GORASP2: variants seen among roughly 807,000 people sequenced by gnomAD.
GORASP2 encodes Golgi reassembly-stacking protein 2.
GORASP2 carries 22 observed loss-of-function variants against 45.7 expected under a neutral mutation model. The observed-to-expected ratio is 0.48, with a 90% CI of 0.34 to 0.69. The LOEUF (loss-of-function observed/expected upper bound fraction) is 0.69, where lower values mean the gene tolerates loss of function less well. Ranked by LOEUF, GORASP2 falls within the 30% of genes least tolerant of loss-of-function variation. The pLI is 0.01. For missense variants in GORASP2, 491 were observed against 562.7 expected (o/e 0.87, Z 1.29); for synonymous variants, 221 against 215.6 (o/e 1.02, Z -0.22).
In GORASP2 at chr2:170,949,589, G is replaced by T. The variant is rs199770683; in HGVS notation, c.195G>T (p.Lys65Asn). The T allele has an allele frequency of 6.2e-7, 1 of 1,613,936 alleles. No individual in the cohort carries two copies. Residue 65 changes from lysine (K) to asparagine (N), a missense_variant, in exon 3 of 10, where the codon AAG (lysine) becomes AAT (asparagine). Transcript: ENST00000234160. ...LKDLLKANVE[K>N]PVKMLIYSSK... ...ATCTGCTGAAAGCAAACGTTGAAAA[G>T]CCTGTAAAGATGCTTATCTATAGCA...
At chr2:170,930,894 A>T (rs1703806081) in intron 1 of GORASP2, among the ~76,000 whole-genome samples, 1 of 151,852 alleles carries the variant, frequency 6.6e-6, no homozygotes, top group East Asian at 1.9e-4. Context: ...GATTGTGGTC[A>T]TGAATCCTTG....
chr2:170,951,035 G>C (rs1704288493), intron 4 of GORASP2, among the ~76,000 whole-genome samples: 1 of 152,098 alleles, frequency 6.6e-6, no homozygotes, highest in Admixed American at 6.6e-5. Context: ...AGACAACCAG[G>C]TCTTAATAAT....
intron 7 of GORASP2, among the ~76,000 whole-genome samples, chr2:170,960,996 T>G (rs555259652): frequency 3.3e-5 from 5 of 152,306 alleles, no homozygotes; most frequent in African/African-American, 1.2e-4. Context: ...AACGTCCCAC[T>G]GGGGTAGGTG....
intron 1 of GORASP2, among the ~76,000 whole-genome samples, chr2:170,947,949 T>C (rs542381361): frequency 3.5e-4 from 53 of 152,194 alleles, no homozygotes; most frequent in Non-Finnish European, 6.5e-4. Flanking sequence ...GGCGAAACCC[T>C]GTCTCTACAA....
intron 1 of GORASP2, among the ~76,000 whole-genome samples, chr2:170,942,194 C>CT (rs954700917): frequency 2.6e-5 from 4 of 151,970 alleles, no homozygotes; most frequent in African/African-American, 7.3e-5. Context: ...ATTGGGTTGT[C>CT]TTTTTTTCTG....
intron 7 of GORASP2, among the ~76,000 whole-genome samples, chr2:170,958,306 A>G (rs1704475523): frequency 6.6e-6 from 1 of 152,180 alleles, no homozygotes; most frequent in East Asian, 1.9e-4. Context: ...TTTGCCTACC[A>G]TAAATTAACT....
intron 1 of GORASP2, chr2:170,936,854 A>C (rs1703970875): frequency 7.5e-6 from 2 of 264,924 alleles, no homozygotes; most frequent in South Asian, 7.3e-5. Flanking sequence ...ACACCACTGC[A>C]CTCCAGCCTG....
chr2:170,934,305 C>A (rs530185063), intron 1 of GORASP2, among the ~76,000 whole-genome samples: 5 of 145,550 alleles, frequency 3.4e-5, no homozygotes, highest in African/African-American at 1.0e-4. Context: ...GATGGAGTTT[C>A]GCTTTTGTTG....
In GORASP2 at chr2:170,956,614, A is replaced by G; in HGVS notation, c.823+55A>G. 3.4e-6 allele frequency: 5 copies of G among 1,489,154 alleles called. No individual in the cohort carries two copies. In the Admixed American group the frequency reaches 1.0e-4, roughly 30 times the overall value. The allele number at this position is 1,489,154 out of a possible 1,614,324, so 92.2% of individuals were successfully genotyped here. ...TCTATTTTATGTAATATTATTGCATAGAATTTTAAAAATTGACCAGACACA... is the reference window on the plus strand; with the variant it reads ...TCTATTTTATGTAATATTATTGCATGGAATTTTAAAAATTGACCAGACACA... On this transcript the variant is annotated intron_variant, in intron 7 of 9. Coordinates refer to ENST00000234160, the MANE Select transcript of GORASP2 (RefSeq NM_015530.5).
At chr2:170,935,423 T>C (rs970802067) in intron 1 of GORASP2, among the ~76,000 whole-genome samples, 3 of 151,710 alleles carry the variant, frequency 2.0e-5, no homozygotes, top group Admixed American at 2.0e-4. Context: ...CCCAACTAAT[T>C]TTTGTATTTT....
chr2:170,934,062 C>T (rs1198391925), intron 1 of GORASP2, among the ~76,000 whole-genome samples: 1 of 152,044 alleles, frequency 6.6e-6, no homozygotes. Context: ...TCTATTTTGT[C>T]AGAGATGAGG....
intron 1 of GORASP2, among the ~76,000 whole-genome samples, chr2:170,932,525 A>G (rs1703853093): frequency 1.3e-5 from 2 of 152,220 alleles, no homozygotes; most frequent in African/African-American, 2.4e-5. Flanking sequence ...CATAACATAC[A>G]TCCTTTTCCC....
At chr2:170,938,382 C>T (rs1379951784) in intron 1 of GORASP2, among the ~76,000 whole-genome samples, 1 of 152,196 alleles carries the variant, frequency 6.6e-6, no homozygotes, top group Non-Finnish European at 1.5e-5. Flanking sequence ...CTGTTTAAAA[C>T]GTAAGTTTGA....
chr2:170,931,812 A>G (rs1703830293), intron 1 of GORASP2, among the ~76,000 whole-genome samples: 2 of 152,188 alleles, frequency 1.3e-5, no homozygotes, highest in African/African-American at 4.8e-5. Flanking sequence ...TGTGTTCTGT[A>G]TGTATGAGTG....
At chr2:170,952,820 T>G (rs780958310) in intron 5 of GORASP2, among the ~76,000 whole-genome samples, 3 of 152,166 alleles carry the variant, frequency 2.0e-5, no homozygotes, top group Non-Finnish European at 4.4e-5. Flanking sequence ...GGACTACAGG[T>G]GTACACACTG....
At chr2:170,931,874 C>T (rs749864412) in intron 1 of GORASP2, among the ~76,000 whole-genome samples, 1 of 152,190 alleles carries the variant, frequency 6.6e-6, no homozygotes, top group African/African-American at 2.4e-5. Context: ...ATCCCCACTC[C>T]AGAGTAACCA....
chr2:170,952,560 T>TA (rs1174821444), intron 5 of GORASP2, among the ~76,000 whole-genome samples: 1 of 152,238 alleles, frequency 6.6e-6, no homozygotes, highest in Non-Finnish European at 1.5e-5. Flanking sequence ...CATTGTCTAT[T>TA]ACCACTTAAT....
At chr2:170,955,634 T>C (rs1704407388) in intron 6 of GORASP2, among the ~76,000 whole-genome samples, 1 of 152,174 alleles carries the variant, frequency 6.6e-6, no homozygotes, top group Non-Finnish European at 1.5e-5. Flanking sequence ...AAGCTCTTCT[T>C]TAAGAGCTGC....
intron 1 of GORASP2, among the ~76,000 whole-genome samples, chr2:170,943,733 C>T (rs1477273604): frequency 2.0e-5 from 3 of 152,170 alleles, no homozygotes; most frequent in African/African-American, 4.8e-5. Context: ...AGTGCAGTGG[C>T]GTGATCCTGA....
Sources: gnomAD v4.1 joint callset for allele counts (sites outside exome capture counted in the v4.1 genomes callset) on GRCh38, gnomAD v4.1.1 for gene constraint, MANE v1.5 for transcripts, NCBI Gene and HGNC (gene_info 2026-07-23, HGNC 2026-07-21) for gene names.